Variants in CYREN observed in about 807,000 individuals in gnomAD.
The protein encoded by CYREN is cell cycle regulator of non-homologous end joining.
A neutral mutation model predicts 9.7 loss-of-function variants in CYREN; 7 were observed. The ratio of observed to expected loss-of-function variants is 0.72; its 90% CI spans 0.41 to 1.36. CYREN has a LOEUF of 1.36. Among genes scored for constraint, CYREN ranks in the 40% most tolerant of loss-of-function variants. CYREN has a pLI of 0.01. For synonymous variants in CYREN, 76 were observed against 77.9 expected, an observed-to-expected ratio of 0.98 and a Z score of 0.13; for missense variants, 215 against 198.1, an observed-to-expected ratio of 1.09 and a Z score of -0.51.
chr7:135,148,151 ACTC>A (rs2117414074), intron 2 of CYREN: 1 of 449,082 alleles, frequency 2.2e-6, no homozygotes, highest in East Asian at 7.0e-5. Flanking sequence ...TTTCCCTTCC[ACTC>A]CTCCTTTCTG....
At chr7:135,150,782 G>A (rs1171092468) in intron 2 of CYREN, among the ~76,000 whole-genome samples, 2 of 152,190 alleles carry the variant, frequency 1.3e-5, no homozygotes, top group African/African-American at 2.4e-5. Context: ...CTTGAACCCG[G>A]GAGGCAGAGA....
At chr7:135,120,807 A>G (rs1827030638) in intron 2 of CYREN, among the ~76,000 whole-genome samples, 1 of 152,234 alleles carries the variant, frequency 6.6e-6, no homozygotes, top group Non-Finnish European at 1.5e-5. Context: ...AATATTAGGT[A>G]AAGTAGATTT....
intron 2 of CYREN, chr7:135,147,894 T>G (rs1829578889): frequency 2.2e-6 from 1 of 456,006 alleles, no homozygotes; most frequent in Non-Finnish European, 4.4e-6. Flanking sequence ...GACATTTACC[T>G]GGCTCTTTAA....
intron 2 of CYREN, among the ~76,000 whole-genome samples, chr7:135,125,110 C>G (rs2881868): frequency 0.49 from 73,664 of 151,682 alleles, 18,242 homozygotes; most frequent in South Asian, 0.66. Context: ...CTGACTCCAG[C>G]AGCTGTTTTT....
intron 2 of CYREN, among the ~76,000 whole-genome samples, chr7:135,144,938 TAA>T (rs58443282): frequency 2.2e-4 from 10 of 45,620 alleles, no homozygotes; most frequent in East Asian, 1.1e-3. Context: ...CTCAAAAGAG[TAA>T]AAAAAAAAAA....
intron 2 of CYREN, among the ~76,000 whole-genome samples, chr7:135,118,777 T>C (rs1055439448): frequency 2.0e-5 from 3 of 151,754 alleles, no homozygotes; most frequent in Non-Finnish European, 4.4e-5. Flanking sequence ...TAAACACACT[T>C]GGAAGAAATA....
chr7:135,118,274 G>A (rs1826611174), intron 2 of CYREN, among the ~76,000 whole-genome samples: 1 of 152,098 alleles, frequency 6.6e-6, no homozygotes, highest in Non-Finnish European at 1.5e-5. Context: ...TCCTCATTGA[G>A]TGCATTTCTA....
chr7:135,113,383 C>A (rs1333286380), intron 2 of CYREN, among the ~76,000 whole-genome samples: 1 of 152,126 alleles, frequency 6.6e-6, no homozygotes, highest in African/African-American at 2.4e-5. Context: ...TGTTTTCCCA[C>A]TACTTTTTTC....
chr7:135,122,901 C>T (rs1210548537), intron 2 of CYREN, among the ~76,000 whole-genome samples: 1 of 152,114 alleles, frequency 6.6e-6, no homozygotes, highest in Admixed American at 6.5e-5. Flanking sequence ...ATCAGCGCCT[C>T]AAAGATCAAA....
At chr7:135,167,314 G>A (rs1293340964) in intron 3 of CYREN, 2 of 1,069,338 alleles carry the variant, frequency 1.9e-6, no homozygotes, top group African/African-American at 1.7e-5. Flanking sequence ...GCAACTCTGA[G>A]GCACTGCAAT....
At chr7:135,165,475 C>T (rs1830073118), downstream of CYREN, 1 of 171,224 alleles carries the variant, frequency 5.8e-6, no homozygotes, top group South Asian at 1.9e-4. Context: ...TTCCACTCAG[C>T]CCACCATAGT....
intron 2 of CYREN, among the ~76,000 whole-genome samples, chr7:135,124,220 CAA>C (rs369396148): frequency 3.6e-5 from 5 of 138,182 alleles, no homozygotes; most frequent in Middle Eastern, 3.7e-3. Flanking sequence ...AAATGGAAAG[CAA>C]AAAAAAAAAA....
At chr7:135,144,967 A>G (rs1171663759) in intron 2 of CYREN, among the ~76,000 whole-genome samples, 81 of 136,600 alleles carry the variant, frequency 5.9e-4, no homozygotes, top group Middle Eastern at 4.0e-3. Context: ...AAAAAAAAAA[A>G]AAGAAGAGGA....
At chr7:135,121,784 C>T (rs1827169948) in intron 2 of CYREN, among the ~76,000 whole-genome samples, 1 of 152,136 alleles carries the variant, frequency 6.6e-6, no homozygotes, top group South Asian at 2.1e-4. Context: ...TGCAGTGGCC[C>T]ACCTGAGAGC....
At chr7:135,142,047 G>C (rs1412929533) in intron 2 of CYREN, among the ~76,000 whole-genome samples, 1 of 152,132 alleles carries the variant, frequency 6.6e-6, no homozygotes, top group Non-Finnish European at 1.5e-5. Context: ...GTGTTCTGTA[G>C]ATGTCTGTTA....
intron 2 of CYREN, chr7:135,168,356 T>TCTTGCTGGCC (rs976650555): frequency 1.4e-5 from 2 of 143,584 alleles, no homozygotes; most frequent in African/African-American, 6.2e-5. Flanking sequence ...GCTCCTTAGC[T>TCTTGCTGGCC]CTTGCTGGCC....
At chr7:135,100,228 T>C (rs769516367) in intron 2 of CYREN, 1 of 151,802 alleles carries the variant, frequency 6.6e-6, no homozygotes, top group Non-Finnish European at 1.5e-5. Flanking sequence ...ATAAGATAAT[T>C]ATCTAGCACT....
At chr7:135,154,857 T>C (rs1285922320) in intron 2 of CYREN, among the ~76,000 whole-genome samples, 1 of 152,256 alleles carries the variant, frequency 6.6e-6, no homozygotes, top group African/African-American at 2.4e-5. Flanking sequence ...TAAGTCCATT[T>C]GGTCTAAAGT....
intron 2 of CYREN, among the ~76,000 whole-genome samples, chr7:135,138,138 T>C (rs1358358761): frequency 6.6e-6 from 1 of 151,990 alleles, no homozygotes; most frequent in Middle Eastern, 3.2e-3. Flanking sequence ...ACAAAAATTG[T>C]GGGAATTTGT....
Sources: allele counts gnomAD v4.1 joint callset (sites outside exome capture counted in the v4.1 genomes callset), GRCh38; gene constraint gnomAD v4.1.1; transcripts MANE v1.5; gene names NCBI Gene and HGNC (gene_info 2026-07-23, HGNC 2026-07-21).